The following PCSK5 variants were observed in gnomAD, a reference collection of about 807,000 sequenced individuals.
The protein encoded by PCSK5 is proprotein convertase subtilisin/kexin type 5.
A neutral mutation model predicts 233.2 loss-of-function variants in PCSK5; 129 were observed. The observed-to-expected ratio is 0.55, with a 90% CI of 0.48 to 0.64. PCSK5 has a LOEUF of 0.64. PCSK5 is among the 30% of genes least tolerant of loss of function. PCSK5 has a pLI of 0.00. For synonymous variants in PCSK5, 825 were observed against 879.2 expected (o/e 0.94, Z 1.09); for missense variants, 2,076 against 2,430.1 (o/e 0.85, Z 3.06).
chr9:76,350,121 AAAAAG>A (rs1363280511), intron 35 of PCSK5, among the ~76,000 whole-genome samples: 118 of 152,206 alleles, frequency 7.8e-4, no homozygotes, highest in African/African-American at 1.9e-3. Context: ...GAAAAAAAAA[AAAAAG>A]AAAGAAAGAC....
chr9:75,998,651 G>A (rs1827127863), intron 3 of PCSK5, among the ~76,000 whole-genome samples: 1 of 152,130 alleles, frequency 6.6e-6, no homozygotes, highest in East Asian at 1.9e-4. Context: ...ATTTGATCTA[G>A]TTTACATGCT....
At chr9:75,957,443 G>A (rs1825143521) in intron 2 of PCSK5, among the ~76,000 whole-genome samples, 1 of 152,112 alleles carries the variant, frequency 6.6e-6, no homozygotes, top group African/African-American at 2.4e-5. Flanking sequence ...AGTGACTCTA[G>A]CTTAAATTTC....
intron 8 of PCSK5, among the ~76,000 whole-genome samples, chr9:76,101,899 C>G (rs1449607315): frequency 6.6e-6 from 1 of 152,148 alleles, no homozygotes; most frequent in African/African-American, 2.4e-5. Flanking sequence ...ACCATTTGCA[C>G]TAGGTTATTC....
chr9:75,992,392 A>G (rs1161284301), intron 3 of PCSK5, among the ~76,000 whole-genome samples: 2 of 152,250 alleles, frequency 1.3e-5, no homozygotes, highest in Non-Finnish European at 2.9e-5. Flanking sequence ...CATAGTCCCA[A>G]GATGACAACT....
intron 5 of PCSK5, among the ~76,000 whole-genome samples, chr9:76,057,029 G>A (rs1414782743): frequency 1.3e-5 from 2 of 152,112 alleles, no homozygotes; most frequent in African/African-American, 2.4e-5. Flanking sequence ...TAAAATTCAT[G>A]TGTAGGTACA....
At chr9:76,303,760 C>A (rs1015037137) in intron 28 of PCSK5, among the ~76,000 whole-genome samples, 3 of 152,148 alleles carry the variant, frequency 2.0e-5, no homozygotes, top group African/African-American at 4.8e-5. Flanking sequence ...GAGAGGCATG[C>A]GGAACACCTT....
rs1587378521 is a variant in PCSK5 at position 76,358,997 on chromosome 9, C to T, written c.*75C>T. Reference sequence around the variant, plus strand: ...GAGCATCACTGTTTTTGGTTTTATCCCCACACCAGGCTGATGTGTGAGTTT... The same window carrying T: ...GAGCATCACTGTTTTTGGTTTTATCTCCACACCAGGCTGATGTGTGAGTTT... On this transcript the variant is annotated 3_prime_UTR_variant, in exon 38 of 38. Coordinates refer to ENST00000674117, the MANE Select transcript of PCSK5 (RefSeq NM_001372043.1). 2 of 1,256,202 alleles carry T rather than the reference C, an allele frequency of 1.6e-6. No individual in the cohort carries two copies. Among genetic ancestry groups the T allele is most frequent in the East Asian group, 4.7e-5 (2 of 42,660 alleles). 77.8% of individuals were successfully genotyped at this position (1,256,202 alleles called of 1,614,324 possible).
intron 1 of PCSK5, among the ~76,000 whole-genome samples, chr9:75,899,595 T>A (rs371900436): frequency 1.3e-5 from 2 of 152,178 alleles, no homozygotes; most frequent in African/African-American, 2.4e-5. Context: ...CAACATTTTC[T>A]CCCCTAAATT....
At chr9:76,201,690 T>C (rs138593400) in intron 20 of PCSK5, among the ~76,000 whole-genome samples, 1 of 152,170 alleles carries the variant, frequency 6.6e-6, no homozygotes, top group Admixed American at 6.5e-5. Flanking sequence ...TATTTGATCA[T>C]TAAAGTTAGT....
At chr9:76,251,912 A>G (rs1172921622) in intron 24 of PCSK5, among the ~76,000 whole-genome samples, 4 of 152,032 alleles carry the variant, frequency 2.6e-5, no homozygotes, top group Non-Finnish European at 5.9e-5. Flanking sequence ...TTCCAATCAT[A>G]CTAGCTAATG....
At chr9:76,297,552 A>G (rs940940397) in intron 27 of PCSK5, among the ~76,000 whole-genome samples, 1 of 152,106 alleles carries the variant, frequency 6.6e-6, no homozygotes, top group African/African-American at 2.4e-5. Context: ...CTCACACTTG[A>G]GCGTCAGTTA....
intron 5 of PCSK5, among the ~76,000 whole-genome samples, chr9:76,047,383 T>C (rs1368860593): frequency 6.6e-6 from 1 of 152,192 alleles, no homozygotes; most frequent in Non-Finnish European, 1.5e-5. Flanking sequence ...TTACTGATGC[T>C]GAGCATGCAG....
chr9:76,229,873 A>G (rs1295170854), intron 21 of PCSK5, among the ~76,000 whole-genome samples: 1 of 152,130 alleles, frequency 6.6e-6, no homozygotes, highest in African/African-American at 2.4e-5. Context: ...TTTGGTCTGG[A>G]ATGGTTCACT....
intron 10 of PCSK5, among the ~76,000 whole-genome samples, chr9:76,155,191 G>T (rs1823838235): frequency 1.3e-5 from 2 of 152,046 alleles, no homozygotes; most frequent in South Asian, 2.1e-4. Context: ...AAAGTAAGGA[G>T]ACCTTACATT....
chr9:76,017,977 T>C (rs1366204620), intron 3 of PCSK5, among the ~76,000 whole-genome samples: 1 of 116,694 alleles, frequency 8.6e-6, no homozygotes, highest in Non-Finnish European at 1.7e-5. Flanking sequence ...AAGGTAATCT[T>C]GAGAGGAAAA....
At chr9:76,025,592 A>G (rs1408044277) in intron 4 of PCSK5, among the ~76,000 whole-genome samples, 1 of 152,150 alleles carries the variant, frequency 6.6e-6, no homozygotes, top group Non-Finnish European at 1.5e-5. Context: ...TTCCTATACT[A>G]TTTATCTACA....
chr9:76,082,608 G>A (rs947422800), intron 7 of PCSK5, among the ~76,000 whole-genome samples: 6 of 151,834 alleles, frequency 4.0e-5, no homozygotes, highest in African/African-American at 7.3e-5. Flanking sequence ...AGCGAGCTCC[G>A]AAAGTCCCTT....
At chr9:76,262,300 A>G (rs10869743) in intron 24 of PCSK5, among the ~76,000 whole-genome samples, 67,639 of 151,498 alleles carry the variant, frequency 0.45, 17,688 homozygotes, top group East Asian at 0.59. Context: ...TGGAACCAAA[A>G]AAGAGCATGC....
chr9:76,335,956 G>A (rs1425491754), intron 34 of PCSK5, among the ~76,000 whole-genome samples: 2 of 152,150 alleles, frequency 1.3e-5, no homozygotes, highest in East Asian at 1.9e-4. Context: ...ATACATGGCA[G>A]AGCCAGGATT....
Sources: allele counts gnomAD v4.1 joint callset (sites outside exome capture counted in the v4.1 genomes callset), GRCh38; gene constraint gnomAD v4.1.1; transcripts MANE v1.5; gene names NCBI Gene and HGNC (gene_info 2026-07-23, HGNC 2026-07-21).